AKAP14: variants seen among roughly 807,000 people sequenced by gnomAD.
AKAP14 encodes A-kinase anchor protein 14.
AKAP14 carries 4 observed loss-of-function variants against 17.0 expected under a neutral mutation model. That is an observed-to-expected ratio of 0.23 (90% CI 0.12 to 0.54). AKAP14 has a LOEUF of 0.54. AKAP14 is among the 20% of genes least tolerant of loss of function. AKAP14 has a pLI of 0.95. For synonymous variants in AKAP14, 42 were observed against 51.3 expected (o/e 0.82, Z 0.77); for missense variants, 129 against 150.9 (o/e 0.85, Z 0.76).
At chrX:119,919,741 G>A in intron 5 of AKAP14, 170 bp from the exon 6 acceptor site, 1 of 412,788 alleles carries the variant, frequency 2.4e-6, no homozygotes, top group Non-Finnish European at 4.1e-6. Flanking sequence ...AGCTACTCAG[G>A]AGGCTGAGGC....
intron 5 of AKAP14, among the ~76,000 whole-genome samples, chrX:119,918,647 C>G (rs1057322712): frequency 2.7e-5 from 3 of 112,393 alleles, no homozygotes; most frequent in Non-Finnish European, 5.6e-5. Context: ...TCAATAAATA[C>G]TTGAAAGAAT....
At position 119,914,941 on chromosome X, in the gene AKAP14, G is replaced by A. The variant is rs1307166690; in HGVS notation, c.441+63G>A. ...TGAGAATGGAGACTTCTCTTGTCAA[G>A]GTCATCAATAACCCCATTTTTACAA... On this transcript the variant is annotated intron_variant, in intron 5 of 6. Transcript: ENST00000371431. 10 of 1,072,065 alleles carry A rather than the reference G, an allele frequency of 9.3e-6. No homozygotes were observed. In the African/African-American group the frequency reaches 1.9e-4, roughly 20 times the overall value. The allele number at this position is 1,072,065 out of a possible 1,213,427, so 88.4% of individuals were successfully genotyped here. A position where few individuals can be genotyped will look rare whatever the true frequency, so the allele number is the denominator to read the frequency against.
In AKAP14 at chrX:119,897,300, C is replaced by T. The variant is rs182047588; in HGVS notation, c.-11+1033C>T. On this transcript the variant is annotated intron_variant, in intron 2 of 6. Transcript: ENST00000371431. ...TCAGACCCCCAAGTAGCTGGGACTA[C>T]AGGCACCCGCCACCACGGCTGGCTA... Among the ~76,000 whole-genome samples, 239 of 110,058 alleles carry T rather than the reference C, an allele frequency of 2.2e-3. 1 individual carries two copies. The highest frequency in any genetic ancestry group is 7.5e-3 in the African/African-American group (228 of 30,271).
intron 5 of AKAP14, among the ~76,000 whole-genome samples, chrX:119,917,940 CT>C (rs2147839324): frequency 1.8e-5 from 2 of 112,718 alleles, no homozygotes; most frequent in Non-Finnish European, 3.8e-5. Context: ...TAGAGACCAG[CT>C]TTCAGTAGTA....
intron 5 of AKAP14, among the ~76,000 whole-genome samples, chrX:119,917,195 T>C (rs1384085649): frequency 9.1e-6 from 1 of 110,362 alleles, no homozygotes; most frequent in African/African-American, 3.3e-5. Context: ...TTTAAAGTGC[T>C]GGCAGGGCAT....
chrX:119,898,462 C>G (rs1297164812), intron 2 of AKAP14, among the ~76,000 whole-genome samples: 1 of 111,936 alleles, frequency 8.9e-6, no homozygotes, highest in African/African-American at 3.2e-5. Context: ...TCTACTACCC[C>G]CTGGGATCAA....
At chrX:119,913,427 G>A (rs779453930) in intron 4 of AKAP14, among the ~76,000 whole-genome samples, 11 of 112,240 alleles carry the variant, frequency 9.8e-5, no homozygotes, top group Non-Finnish European at 1.7e-4. Flanking sequence ...AATTGAACCT[G>A]CCTCCTGTGA....
intron 3 of AKAP14, 34 bp from the exon 4 acceptor site, chrX:119,903,461 T>C (rs1447725678): frequency 8.3e-7 from 1 of 1,210,218 alleles, no homozygotes; most frequent in Non-Finnish European, 1.1e-6. Flanking sequence ...CCACACTACC[T>C]GGCAACTAAC....
chrX:119,901,550 C>T (rs1242014220), intron 2 of AKAP14, among the ~76,000 whole-genome samples: 1 of 109,302 alleles, frequency 9.1e-6, no homozygotes, highest in African/African-American at 3.3e-5. Context: ...ACTAAAACTA[C>T]AAAAAATTAG....
intron 4 of AKAP14, among the ~76,000 whole-genome samples, chrX:119,903,884 G>A (rs1171064095): frequency 9.0e-6 from 1 of 111,471 alleles, no homozygotes; most frequent in Non-Finnish European, 1.9e-5. Context: ...CATTAAATGG[G>A]GGCCTAGTGG....
At position 119,897,381 on chromosome X, in the gene AKAP14, G is replaced by A. The variant is rs184040315; in HGVS notation, c.-11+1114G>A. ...TCACTGTGTTAGCCAGGATGGTCTC[G>A]ATCTCCTGACCTCGTGATCCGCCCG... is the stretch of plus-strand genomic sequence containing the variant. On this transcript the variant is annotated intron_variant, in intron 2 of 6. Transcript: ENST00000371431. Among the ~76,000 whole-genome samples, 62 of 107,510 alleles carry A rather than the reference G, an allele frequency of 5.8e-4. 1 individual carries two copies. Among genetic ancestry groups the A allele is most frequent in the Middle Eastern group, 5.2e-3 (1 of 194 alleles). The allele number at this position is 107,510 out of a possible 115,157, so 93.4% of individuals were successfully genotyped here. A position where few individuals can be genotyped will look rare whatever the true frequency, so the allele number is the denominator to read the frequency against.
intron 2 of AKAP14, among the ~76,000 whole-genome samples, chrX:119,900,315 A>T (rs953680609): frequency 9.4e-6 from 1 of 105,828 alleles, no homozygotes; most frequent in Non-Finnish European, 1.9e-5. Flanking sequence ...CTGGTCTTGA[A>T]CTCCTGACCT....
At chrX:119,896,724 A>G (rs1001875879) in intron 2 of AKAP14, among the ~76,000 whole-genome samples, 1 of 111,533 alleles carries the variant, frequency 9.0e-6, no homozygotes, top group Admixed American at 9.5e-5. Flanking sequence ...TTGACTTCTC[A>G]TCGATTTATC....
chrX:119,906,002 A>G (rs2056594979), intron 4 of AKAP14, among the ~76,000 whole-genome samples: 1 of 111,479 alleles, frequency 9.0e-6, no homozygotes, highest in Non-Finnish European at 1.9e-5. Context: ...ACAGATGCTC[A>G]ATAACTCTAT....
rs1312035609 is a variant in AKAP14, at chrX:119,902,100, A to T, written c.-10-1114A>T. Among the ~76,000 whole-genome samples the T allele has an allele frequency of 6.8e-4, 70 of 102,410 alleles. 1 individual carries two copies. Among genetic ancestry groups the T allele is most frequent in the African/African-American group, 2.4e-3 (64 of 27,208 alleles). 88.9% of individuals were successfully genotyped at this position (102,410 alleles called of 115,157 possible). ...TTTTTGAGATGTAGTCTCCCTCTGT[A>T]GCCCAGGCTGGAAGGCTGGAGTGCA... On this transcript the variant is annotated intron_variant, in intron 2 of 6. Transcript: ENST00000371431.
chrX:119,912,961 T>A (rs1175234301), intron 4 of AKAP14, among the ~76,000 whole-genome samples: 1 of 109,584 alleles, frequency 9.1e-6, no homozygotes, highest in Admixed American at 1.0e-4. Context: ...ATTTTGTTTC[T>A]CAACTCTCAT....
chrX:119,907,458 T>C (rs1473878465), intron 4 of AKAP14, among the ~76,000 whole-genome samples: 1 of 108,199 alleles, frequency 9.2e-6, no homozygotes, highest in Non-Finnish European at 1.9e-5. Context: ...AAAATATTTA[T>C]TTATTTATTT....
chrX:119,901,237 T>C (rs752223793), intron 2 of AKAP14, among the ~76,000 whole-genome samples: 6 of 112,091 alleles, frequency 5.4e-5, no homozygotes, highest in African/African-American at 1.3e-4. Flanking sequence ...TTTACATTTT[T>C]CTGGAAGTAT....
intron 2 of AKAP14, among the ~76,000 whole-genome samples, chrX:119,900,340 G>A (rs867939567): frequency 8.1e-5 from 9 of 111,786 alleles, no homozygotes; most frequent in Admixed American, 3.8e-4. Flanking sequence ...TGATCCACCC[G>A]CCTCGGCCTC....
Sources: allele counts gnomAD v4.1 joint callset (sites outside exome capture counted in the v4.1 genomes callset), GRCh38; gene constraint gnomAD v4.1.1; transcripts MANE v1.5; gene names NCBI Gene and HGNC (gene_info 2026-07-23, HGNC 2026-07-21).